The following STAG1 variants were observed in gnomAD, a reference collection of about 807,000 sequenced individuals.
The protein encoded by STAG1 is cohesin subunit SA-1.
Under a neutral mutation model 170.9 loss-of-function variants are expected in STAG1, and 26 were observed. That is an observed-to-expected ratio of 0.15 (90% confidence interval 0.11 to 0.21). The LOEUF (loss-of-function observed/expected upper bound fraction) is 0.21, where lower values mean the gene tolerates loss of function less well. Among genes scored for constraint, STAG1 ranks in the 10% least tolerant of loss-of-function variants. The probability of loss-of-function intolerance (pLI) is 1.00; values close to 1 mark genes in which losing one functional copy is unlikely to be tolerated. For synonymous variants in STAG1, 514 were observed against 497.7 expected (o/e 1.03, Z -0.44); for missense variants, 964 against 1,509.5 (o/e 0.64, Z 5.99).
chr3:136,388,259 C>A (rs1300584490), intron 22 of STAG1, among the ~76,000 whole-genome samples: 2 of 152,126 alleles, frequency 1.3e-5, no homozygotes, highest in Non-Finnish European at 2.9e-5. Flanking sequence ...GCTTATCTTG[C>A]CACAGGTGGT....
chr3:136,532,834 AC>A (rs1231019935), intron 6 of STAG1, among the ~76,000 whole-genome samples: 1 of 152,308 alleles, frequency 6.6e-6, no homozygotes, highest in African/African-American at 2.4e-5. Context: ...AAAAGTTCAA[AC>A]CTTTTCCTTC....
chr3:136,721,385 A>C (rs987830450), intron 1 of STAG1: 1 of 152,210 alleles, frequency 6.6e-6, no homozygotes. Context: ...CTTATCTTAG[A>C]ATCTTGTTGA....
intron 7 of STAG1, chr3:136,518,166 T>G (rs1037446780): frequency 1.0e-5 from 4 of 395,422 alleles, no homozygotes; most frequent in African/African-American, 8.2e-5. Flanking sequence ...GAAAACAGAT[T>G]AAAAATACTA....
At chr3:136,515,078 C>T (rs1271433748) in intron 7 of STAG1, among the ~76,000 whole-genome samples, 3 of 151,884 alleles carry the variant, frequency 2.0e-5, no homozygotes, top group African/African-American at 7.3e-5. Context: ...AAAATCACAA[C>T]GTTGGGCTGG....
chr3:136,377,646 T>C lies in STAG1; in HGVS notation c.2370+14A>G, dbSNP rs1354023337. ...AGTTGATTTTATTGAGAGCTCTTAC[T>C]GATAATTTCTTACCTGTTCTTTCAC... On this transcript the variant is annotated intron_variant, in intron 23 of 33. Transcript: ENST00000383202. 9 of 1,600,186 alleles carry C rather than the reference T, an allele frequency of 5.6e-6. No individual in the cohort carries two copies. In the South Asian group the frequency reaches 9.9e-5, roughly 18 times the overall value.
chr3:136,388,670 A>AGCT (rs1456000420), intron 22 of STAG1, among the ~76,000 whole-genome samples: 1 of 152,100 alleles, frequency 6.6e-6, no homozygotes, highest in Non-Finnish European at 1.5e-5. Flanking sequence ...CCTGGCAGGG[A>AGCT]GCTACTTACA....
At chr3:136,578,989 C>A (rs1937537140) in intron 4 of STAG1, among the ~76,000 whole-genome samples, 1 of 152,250 alleles carries the variant, frequency 6.6e-6, no homozygotes, top group South Asian at 2.1e-4. Context: ...GTAAACACTA[C>A]ATCCCTGGGA....
At chr3:136,711,483 C>T (rs1307619357) in intron 1 of STAG1, among the ~76,000 whole-genome samples, 1 of 151,926 alleles carries the variant, frequency 6.6e-6, no homozygotes, top group Non-Finnish European at 1.5e-5. Flanking sequence ...ATCGTATAAG[C>T]CCAGGAGGTC....
chr3:136,457,672 C>T (rs970685687), intron 13 of STAG1, among the ~76,000 whole-genome samples: 1 of 152,014 alleles, frequency 6.6e-6, no homozygotes, highest in African/African-American at 2.4e-5. Flanking sequence ...TAATGTGTGA[C>T]AAGAAAACTT....
intron 21 of STAG1, among the ~76,000 whole-genome samples, chr3:136,412,886 G>A (rs762150323): frequency 2.7e-5 from 4 of 147,200 alleles, no homozygotes; most frequent in Non-Finnish European, 4.5e-5. Flanking sequence ...TTTTGAGACC[G>A]AATCTTGTTC....
At chr3:136,634,315 C>T (rs571224002) in intron 1 of STAG1, among the ~76,000 whole-genome samples, 4 of 151,920 alleles carry the variant, frequency 2.6e-5, no homozygotes, top group African/African-American at 7.2e-5. Context: ...CATGACTGGG[C>T]CACTACACTC....
chr3:136,510,675 G>A (rs1328693389), intron 7 of STAG1, among the ~76,000 whole-genome samples: 11 of 150,994 alleles, frequency 7.3e-5, no homozygotes, highest in Non-Finnish European at 1.5e-4. Flanking sequence ...GCAGTGGTGC[G>A]ATCTCAGCTC....
chr3:136,705,859 T>C (rs1335487424), intron 1 of STAG1, among the ~76,000 whole-genome samples: 1 of 151,944 alleles, frequency 6.6e-6, no homozygotes, highest in Non-Finnish European at 1.5e-5. Context: ...AACAAACAAA[T>C]GGCCAGACAC....
At chr3:136,386,521 T>A (rs901843725) in intron 22 of STAG1, among the ~76,000 whole-genome samples, 4 of 152,118 alleles carry the variant, frequency 2.6e-5, no homozygotes, top group Admixed American at 2.6e-4. Context: ...GATCTTTAAA[T>A]GTAGACTGAC....
chr3:136,340,509 G>A lies in STAG1; in HGVS notation c.3654C>T (p.Asp1218=). Residue 1218 remains aspartate (D), a synonymous_variant, in exon 32 of 34, where the codon GAC becomes GAT. Coordinates refer to ENST00000383202, the MANE Select transcript of STAG1 (RefSeq NM_005862.3). ...TCTCTACCAGATCAATAACCATGGT[G>A]TCCTCAAATTCTTCATTCATATCTT... ...QLEDMNEEFE[D]TMVIDLPPSR... The A allele has an allele frequency of 6.2e-7, 1 of 1,607,692 alleles. No individual in the cohort carries two copies. The highest frequency in any genetic ancestry group is 8.5e-7 in the Non-Finnish European group (1 of 1,174,164).
chr3:136,377,989 T>C (rs1413523552), intron 22 of STAG1, among the ~76,000 whole-genome samples: 2 of 152,236 alleles, frequency 1.3e-5, no homozygotes, highest in African/African-American at 2.4e-5. Flanking sequence ...CTCAGTATGA[T>C]TGTTTTCAAC....
At chr3:136,471,195 A>G (rs2089618665) in intron 12 of STAG1, among the ~76,000 whole-genome samples, 1 of 152,014 alleles carries the variant, frequency 6.6e-6, no homozygotes, top group Non-Finnish European at 1.5e-5. Context: ...CTGTTAACAC[A>G]CTCCAGCATG....
At chr3:136,695,568 G>C (rs1297456025) in intron 1 of STAG1, among the ~76,000 whole-genome samples, 1 of 151,588 alleles carries the variant, frequency 6.6e-6, no homozygotes, top group South Asian at 2.1e-4. Context: ...TAGGTGACTT[G>C]GTTTAACATC....
chr3:136,488,330 C>A (rs904899712), intron 9 of STAG1, among the ~76,000 whole-genome samples: 2 of 152,146 alleles, frequency 1.3e-5, no homozygotes, highest in Non-Finnish European at 2.9e-5. Context: ...GCCATGTTAG[C>A]CAGGCTGGTC....
Sources: gnomAD v4.1 joint callset for allele counts (sites outside exome capture counted in the v4.1 genomes callset) on GRCh38, gnomAD v4.1.1 for gene constraint, MANE v1.5 for transcripts, NCBI Gene and HGNC (gene_info 2026-07-23, HGNC 2026-07-21) for gene names.